Variants in DLGAP1 observed in about 807,000 individuals in gnomAD.
The protein encoded by DLGAP1 is DLG associated protein 1.
In DLGAP1, 11 loss-of-function variants were observed where a neutral mutation model predicts 90.8. The ratio of observed to expected loss-of-function variants is 0.12; its 90% confidence interval spans 0.08 to 0.20. The LOEUF is 0.20. Among genes scored for constraint, DLGAP1 ranks in the 10% least tolerant of loss-of-function variants. DLGAP1 has a pLI of 1.00. For synonymous variants in DLGAP1, 558 were observed against 540.7 expected (o/e 1.03, Z -0.44); for missense variants, 1,050 against 1,333.8 (o/e 0.79, Z 3.31).
chr18:4,279,367 G>A (rs1406567408), intron 1 of DLGAP1, among the ~76,000 whole-genome samples: 1 of 152,092 alleles, frequency 6.6e-6, no homozygotes, highest in African/African-American at 2.4e-5. Context: ...CTCTTGCCTT[G>A]GGCATTTTAG....
intron 1 of DLGAP1, among the ~76,000 whole-genome samples, chr18:4,446,540 T>G (rs1261266424): frequency 6.6e-6 from 1 of 152,160 alleles, no homozygotes; most frequent in African/African-American, 2.4e-5. Flanking sequence ...ATGGGTGTTT[T>G]GCCTAAATTT....
intron 1 of DLGAP1, among the ~76,000 whole-genome samples, chr18:4,170,361 T>G (rs73369082): frequency 0.023 from 3,542 of 152,172 alleles, 147 homozygotes; most frequent in African/African-American, 0.08. Flanking sequence ...GTCGGACATG[T>G]TAAGTTTTAA....
At chr18:3,601,471 C>A (rs2057019972) in intron 7 of DLGAP1, among the ~76,000 whole-genome samples, 1 of 151,738 alleles carries the variant, frequency 6.6e-6, no homozygotes, top group Non-Finnish European at 1.5e-5. Context: ...TGTTTTAACT[C>A]ATCTTTTCCA....
chr18:4,403,386 T>C (rs1258680524), intron 1 of DLGAP1, among the ~76,000 whole-genome samples: 1 of 152,234 alleles, frequency 6.6e-6, no homozygotes, highest in Non-Finnish European at 1.5e-5. Flanking sequence ...TCTACTTATT[T>C]AATTTTCATT....
At chr18:4,003,075 T>C (rs540519094) in intron 3 of DLGAP1, among the ~76,000 whole-genome samples, 314 of 152,318 alleles carry the variant, frequency 2.1e-3, no homozygotes, top group African/African-American at 7.3e-3. Context: ...TAAGAAGCTT[T>C]GAGCCCTGAT....
chr18:3,839,145 A>G (rs1365861224), intron 4 of DLGAP1, among the ~76,000 whole-genome samples: 2 of 152,224 alleles, frequency 1.3e-5, no homozygotes, highest in Non-Finnish European at 2.9e-5. Flanking sequence ...CCTGGGATTC[A>G]TGAACTTCAT....
intron 5 of DLGAP1, among the ~76,000 whole-genome samples, chr18:3,811,915 A>G (rs1019660563): frequency 6.6e-6 from 1 of 152,130 alleles, no homozygotes; most frequent in Non-Finnish European, 1.5e-5. Context: ...CACTCTTCTC[A>G]TCTTCCTCAT....
At chr18:4,059,438 T>C (rs115566041) in intron 2 of DLGAP1, among the ~76,000 whole-genome samples, 2,937 of 152,224 alleles carry the variant, frequency 0.019, 105 homozygotes, top group African/African-American at 0.066. Context: ...AAAAATAAAC[T>C]AGAAGGCATG....
Position 3,543,166 on chromosome 18 carries a change from A to ATTTTTT in DLGAP1, c.2058-8557_2058-8552dup, listed in dbSNP as rs76751283. Among the ~76,000 whole-genome samples the ATTTTTT allele has an allele frequency of 7.4e-3, 475 of 63,946 alleles. 9 individuals are homozygous for ATTTTTT. Among genetic ancestry groups the ATTTTTT allele is most frequent in the East Asian group, 9.3e-3 (24 of 2,594 alleles). 42.0% of individuals were successfully genotyped at this position (63,946 alleles called of 152,430 possible). A position where few individuals can be genotyped will look rare whatever the true frequency, so the allele number is the denominator to read the frequency against. On this transcript the variant is annotated intron_variant, in intron 9 of 12. Coordinates refer to ENST00000315677, the MANE Select transcript of DLGAP1 (RefSeq NM_004746.4). The stretch of plus-strand genomic sequence containing the variant: ...ATACTCTTTTGTTCCCATGACTCCA[A>ATTTTTT]TTTTTTTTTTTTTTTTTTTTTTGAG...
chr18:3,956,644 G>A (rs1251653968), intron 3 of DLGAP1, among the ~76,000 whole-genome samples: 5 of 150,626 alleles, frequency 3.3e-5, no homozygotes, highest in South Asian at 2.1e-4. Context: ...CACCACGCCC[G>A]GCCTATTTTT....
chr18:3,975,481 A>G (rs1270242188), intron 3 of DLGAP1, among the ~76,000 whole-genome samples: 1 of 152,154 alleles, frequency 6.6e-6, no homozygotes, highest in Non-Finnish European at 1.5e-5. Context: ...AGAAATTGGA[A>G]CCCTTGAACG....
chr18:3,889,809 G>T (rs531314971), intron 3 of DLGAP1, among the ~76,000 whole-genome samples: 1 of 152,236 alleles, frequency 6.6e-6, no homozygotes, highest in Non-Finnish European at 1.5e-5. Context: ...AGTAAAGGAA[G>T]GGCCCATGTC....
intron 1 of DLGAP1, among the ~76,000 whole-genome samples, chr18:4,396,559 T>C (rs2082446492): frequency 6.6e-6 from 1 of 152,152 alleles, no homozygotes; most frequent in Non-Finnish European, 1.5e-5. Flanking sequence ...ATAAACCATG[T>C]GGAGCTGAGT....
intron 7 of DLGAP1, among the ~76,000 whole-genome samples, chr18:3,714,465 G>A (rs2061692857): frequency 6.6e-6 from 1 of 152,140 alleles, no homozygotes; most frequent in African/African-American, 2.4e-5. Context: ...CCCCAAATGG[G>A]AGGCTCTGGA....
chr18:3,989,743 G>T (rs974323916), intron 3 of DLGAP1, among the ~76,000 whole-genome samples: 2 of 151,994 alleles, frequency 1.3e-5, no homozygotes, highest in East Asian at 3.8e-4. Context: ...TCTGACAAAG[G>T]GCTAATATCC....
chr18:3,963,540 C>T (rs1204304251), intron 3 of DLGAP1, among the ~76,000 whole-genome samples: 1 of 150,332 alleles, frequency 6.7e-6, no homozygotes, highest in Non-Finnish European at 1.5e-5. Flanking sequence ...TTGTTTTTAT[C>T]CTTTACCTTT....
intron 7 of DLGAP1, among the ~76,000 whole-genome samples, chr18:3,639,142 G>T (rs955972489): frequency 1.2e-4 from 18 of 152,220 alleles, no homozygotes; most frequent in Middle Eastern, 3.4e-3. Context: ...GATCATTTGA[G>T]GTCAGGAGTT....
chr18:3,656,848 G>T (rs1418119214), intron 7 of DLGAP1, among the ~76,000 whole-genome samples: 6 of 151,986 alleles, frequency 3.9e-5, no homozygotes, highest in Admixed American at 6.6e-5. Flanking sequence ...CTGGGTGGAC[G>T]CCATTCTCCT....
At chr18:4,077,413 G>T (rs2075539591) in intron 2 of DLGAP1, among the ~76,000 whole-genome samples, 1 of 152,158 alleles carries the variant, frequency 6.6e-6, no homozygotes, top group African/African-American at 2.4e-5. Context: ...TTGGTCCCCA[G>T]TGTCAGAGGT....
Sources: allele counts gnomAD v4.1 joint callset (sites outside exome capture counted in the v4.1 genomes callset), GRCh38; gene constraint gnomAD v4.1.1; transcripts MANE v1.5; gene names NCBI Gene and HGNC (gene_info 2026-07-23, HGNC 2026-07-21).